Variants in CACNG2 observed in about 807,000 individuals in gnomAD.
The protein encoded by CACNG2 is voltage-dependent calcium channel gamma-2 subunit.
Under a neutral mutation model 25.9 loss-of-function variants are expected in CACNG2, and 3 were observed. That is an observed-to-expected ratio of 0.12 (90% CI 0.05 to 0.30). The LOEUF (loss-of-function observed/expected upper bound fraction) is 0.30. Ranked by LOEUF, CACNG2 falls within the 10% of genes least tolerant of loss-of-function variation. CACNG2 has a pLI of 1.00. For synonymous variants in CACNG2, 167 were observed against 173.3 expected, an observed-to-expected ratio of 0.96 and a Z score of 0.29; for missense variants, 341 against 432.5, an observed-to-expected ratio of 0.79 and a Z score of 1.88.
chr22:36,671,253 TAGAA>T (rs1936945366), intron 1 of CACNG2, among the ~76,000 whole-genome samples: 1 of 152,212 alleles, frequency 6.6e-6, no homozygotes, highest in Non-Finnish European at 1.5e-5. Context: ...ATTATATACT[TAGAA>T]AGAAATGCTT....
intron 1 of CACNG2, among the ~76,000 whole-genome samples, chr22:36,611,373 G>A (rs935328495): frequency 6.6e-6 from 1 of 152,196 alleles, no homozygotes; most frequent in Non-Finnish European, 1.5e-5. Context: ...TGACCTATTT[G>A]AGACTCAGGG....
intron 1 of CACNG2, among the ~76,000 whole-genome samples, chr22:36,652,863 G>A (rs16997099): frequency 0.049 from 7,385 of 152,182 alleles, 615 homozygotes; most frequent in African/African-American, 0.17. Context: ...ATCCCAAGGA[G>A]GCAGAAGAGC....
intron 1 of CACNG2, among the ~76,000 whole-genome samples, chr22:36,675,678 C>T (rs1219886096): frequency 6.6e-6 from 1 of 152,236 alleles, no homozygotes; most frequent in Non-Finnish European, 1.5e-5. Context: ...CACTGGAGGG[C>T]CCAGCTCACA....
intron 1 of CACNG2, among the ~76,000 whole-genome samples, chr22:36,638,906 G>A (rs573692962): frequency 6.6e-6 from 1 of 152,294 alleles, no homozygotes; most frequent in South Asian, 2.1e-4. Flanking sequence ...ATAGACTCCT[G>A]TTCATTATAA....
chr22:36,622,849 C>T (rs1388181084), intron 1 of CACNG2, among the ~76,000 whole-genome samples: 1 of 151,316 alleles, frequency 6.6e-6, no homozygotes, highest in African/African-American at 2.4e-5. Flanking sequence ...ATATTAGCTA[C>T]TTGAAAGGCT....
At chr22:36,669,227 C>T (rs1936915250) in intron 1 of CACNG2, among the ~76,000 whole-genome samples, 2 of 152,014 alleles carry the variant, frequency 1.3e-5, no homozygotes, top group Admixed American at 6.6e-5. Flanking sequence ...TGAGGCTGGG[C>T]GTGGTGGCTC....
At chr22:36,568,507 C>T (rs141300511) in intron 2 of CACNG2, among the ~76,000 whole-genome samples, 4,061 of 151,554 alleles carry the variant, frequency 0.027, 133 homozygotes, top group Admixed American at 0.09. Flanking sequence ...CAGGTTCAAG[C>T]GATTCTCCTG....
chr22:36,697,593 G>A (rs1179032655), intron 1 of CACNG2, among the ~76,000 whole-genome samples: 1 of 152,226 alleles, frequency 6.6e-6, no homozygotes, highest in African/African-American at 2.4e-5. Flanking sequence ...AGCAAGGGCA[G>A]GGAGTGTGGT....
Position 36,580,673 on chromosome 22 carries a change from G to A in CACNG2, c.295+6792C>T, listed in dbSNP as rs951484462. 7.2e-5 allele frequency among the ~76,000 whole-genome samples: 11 copies of A among 152,224 alleles called. No individual in the cohort carries two copies. In the East Asian group the frequency reaches 1.5e-3, roughly 21 times the overall value. ...GAGTGGGGAGACCTGACCATACCCC[G>A]CAGTCCTGGACAATGAGTGGCCACA... On this transcript the variant is annotated intron_variant, in intron 2 of 3. Transcript: ENST00000300105.
At chr22:36,592,908 T>TGGAGGCTGTG (rs1935618406) in intron 1 of CACNG2, among the ~76,000 whole-genome samples, 1 of 151,870 alleles carries the variant, frequency 6.6e-6, no homozygotes, top group Non-Finnish European at 1.5e-5. Flanking sequence ...GTGAGAGGGG[T>TGGAGGCTGTG]AGAGGCTCTC....
chr22:36,577,088 C>T (rs577418615), intron 2 of CACNG2, among the ~76,000 whole-genome samples: 1 of 152,266 alleles, frequency 6.6e-6, no homozygotes, highest in African/African-American at 2.4e-5. Flanking sequence ...CCCCGGGGGC[C>T]TCTGCTGCCC....
At chr22:36,604,470 T>A (rs183973749) in intron 1 of CACNG2, among the ~76,000 whole-genome samples, 1 of 152,308 alleles carries the variant, frequency 6.6e-6, no homozygotes, top group East Asian at 1.9e-4. Flanking sequence ...TAAAAATATA[T>A]CAAACAATAT....
At chr22:36,599,838 G>A (rs1046353502) in intron 1 of CACNG2, among the ~76,000 whole-genome samples, 21 of 152,220 alleles carry the variant, frequency 1.4e-4, no homozygotes, top group African/African-American at 5.1e-4. Context: ...ATTCCCTGCT[G>A]TGACAGAGGC....
chr22:36,584,372 T>A (rs745361631), intron 2 of CACNG2: 2 of 152,266 alleles, frequency 1.3e-5, no homozygotes, highest in Non-Finnish European at 2.9e-5. Flanking sequence ...GAGAATCGCT[T>A]GAACCCGGGA....
intron 2 of CACNG2, among the ~76,000 whole-genome samples, chr22:36,575,152 A>G (rs1411714178): frequency 3.3e-5 from 5 of 152,252 alleles, no homozygotes; most frequent in Admixed American, 1.3e-4. Context: ...ACTGGGTTAC[A>G]GGGATTAAGC....
intron 1 of CACNG2, among the ~76,000 whole-genome samples, chr22:36,633,460 C>T (rs1936306786): frequency 6.6e-6 from 1 of 152,184 alleles, no homozygotes. Context: ...CCTCTGGATC[C>T]ATAACACAGC....
intron 1 of CACNG2, among the ~76,000 whole-genome samples, chr22:36,642,792 T>C (rs1307955703): frequency 6.6e-6 from 1 of 152,212 alleles, no homozygotes; most frequent in Non-Finnish European, 1.5e-5. Context: ...ATTAGGATAG[T>C]GGTAGCAGAC....
intron 1 of CACNG2, among the ~76,000 whole-genome samples, chr22:36,642,884 A>C (rs185360849): frequency 2.4e-3 from 366 of 152,332 alleles, no homozygotes; most frequent in African/African-American, 8.5e-3. Flanking sequence ...AGCATCACTT[A>C]TGGGCAGATG....
chr22:36,616,196 A>G (rs1936020023), intron 1 of CACNG2, among the ~76,000 whole-genome samples: 2 of 152,210 alleles, frequency 1.3e-5, no homozygotes, highest in African/African-American at 2.4e-5. Flanking sequence ...TGTTGTGTGA[A>G]GGTCAAATGA....
Sources: allele counts gnomAD v4.1 joint callset (sites outside exome capture counted in the v4.1 genomes callset), GRCh38; gene constraint gnomAD v4.1.1; transcripts MANE v1.5; gene names NCBI Gene and HGNC (gene_info 2026-07-23, HGNC 2026-07-21).